Variants in SLIT3 observed in about 807,000 individuals in gnomAD.
SLIT3 encodes the protein slit guidance ligand 3, also known as slit homolog 3 protein.
A neutral mutation model predicts 184.0 loss-of-function variants in SLIT3; 68 were observed. That is an observed-to-expected ratio of 0.37 (90% CI 0.30 to 0.45). The LOEUF (loss-of-function observed/expected upper bound fraction) is 0.45, where lower values mean the gene tolerates loss of function less well. Ranked by LOEUF, SLIT3 falls within the 20% of genes least tolerant of loss-of-function variation. SLIT3 has a pLI of 1.00. For synonymous variants in SLIT3, 831 were observed against 828.6 expected, an observed-to-expected ratio of 1.00 and a Z score of -0.05; for missense variants, 1,707 against 2,026.0, an observed-to-expected ratio of 0.84 and a Z score of 3.02.
chr5:169,208,894 GGCAAAGAGTTAAT>G (rs1764161832), intron 3 of SLIT3, among the ~76,000 whole-genome samples: 1 of 152,152 alleles, frequency 6.6e-6, no homozygotes, highest in Admixed American at 6.5e-5. Flanking sequence ...GATAGGCATG[GGCAAAGAGTTAAT>G]GTCTAAAACA....
intron 4 of SLIT3, among the ~76,000 whole-genome samples, chr5:169,063,265 G>A (rs764551209): frequency 3.9e-5 from 6 of 152,296 alleles, no homozygotes; most frequent in Non-Finnish European, 7.4e-5. Flanking sequence ...TCCTGAATTC[G>A]TCAGTTATTT....
intron 3 of SLIT3, among the ~76,000 whole-genome samples, chr5:169,235,988 G>T (rs1765185543): frequency 6.6e-6 from 1 of 152,184 alleles, no homozygotes; most frequent in Non-Finnish European, 1.5e-5. Context: ...TTCGAAGGAA[G>T]TGTCTCTGTG....
intron 4 of SLIT3, chr5:169,018,596 C>A (rs184149708): frequency 6.6e-6 from 1 of 152,184 alleles, no homozygotes; most frequent in Non-Finnish European, 1.5e-5. Context: ...AGAAATCAGG[C>A]GTGAGCGCAA....
At chr5:168,807,382 C>A (rs1469516850) in intron 8 of SLIT3, among the ~76,000 whole-genome samples, 1 of 152,124 alleles carries the variant, frequency 6.6e-6, no homozygotes. Flanking sequence ...CACATTAAAT[C>A]CTGAATACAA....
intron 5 of SLIT3, among the ~76,000 whole-genome samples, chr5:168,858,846 T>C (rs918578299): frequency 6.6e-6 from 1 of 152,234 alleles, no homozygotes; most frequent in Non-Finnish European, 1.5e-5. Flanking sequence ...CACATCCCCA[T>C]CAACCATACT....
intron 28 of SLIT3, among the ~76,000 whole-genome samples, chr5:168,694,082 T>G (rs1163397418): frequency 1.3e-5 from 2 of 152,132 alleles, no homozygotes; most frequent in African/African-American, 4.8e-5. Context: ...TAAATGAGAT[T>G]ATACAAGCAC....
chr5:168,992,671 A>T (rs1013502337), intron 4 of SLIT3, among the ~76,000 whole-genome samples: 5 of 152,102 alleles, frequency 3.3e-5, no homozygotes, highest in African/African-American at 1.2e-4. Flanking sequence ...ACCCATTTCC[A>T]GCGGCCATCT....
chr5:168,795,518 T>C lies in SLIT3; in HGVS notation c.996A>G (p.Lys332=), dbSNP rs1756534927. ...IPAGAFTQYK[K]LKRIDISKNQ... ...CAGGGGAAACTCACATTCGCTTCAG[T>C]TTCTTGTACTGGGTGAAGGCTCCTG... Residue 332 remains lysine, a synonymous_variant, in exon 10 of 36, where the codon AAA becomes AAG. Transcript: ENST00000519560. 1 of 1,613,284 alleles carries C rather than the reference T, an allele frequency of 6.2e-7. No individual in the cohort carries two copies. Among genetic ancestry groups the C allele is most frequent in the Admixed American group, 1.7e-5 (1 of 60,004 alleles).
At chr5:168,721,192 T>C (rs1762931397) in intron 23 of SLIT3, among the ~76,000 whole-genome samples, 2 of 152,112 alleles carry the variant, frequency 1.3e-5, no homozygotes, top group South Asian at 4.1e-4. Flanking sequence ...TTTTCATGAA[T>C]AGCATTCAAG....
chr5:168,817,174 C>G, intron 8 of SLIT3, 126 bp downstream of exon 8: 6 of 805,278 alleles, frequency 7.5e-6, no homozygotes, highest in Non-Finnish European at 1.2e-5. Context: ...CTGAGGACGA[C>G]CTATGGGGTT....
chr5:168,902,148 C>T (rs1280916876), intron 4 of SLIT3, among the ~76,000 whole-genome samples: 1 of 152,096 alleles, frequency 6.6e-6, no homozygotes, highest in Non-Finnish European at 1.5e-5. Context: ...CCTTGGCCTC[C>T]CAAAGTGCTG....
At chr5:168,923,276 C>G (rs1761701996) in intron 4 of SLIT3, among the ~76,000 whole-genome samples, 1 of 152,098 alleles carries the variant, frequency 6.6e-6, no homozygotes, top group Non-Finnish European at 1.5e-5. Context: ...TTCTGGGCGT[C>G]AGTCTTGAAG....
intron 6 of SLIT3, among the ~76,000 whole-genome samples, chr5:168,833,714 C>G (rs939796622): frequency 6.6e-6 from 1 of 152,182 alleles, no homozygotes; most frequent in African/African-American, 2.4e-5. Context: ...GGCAAGCAGA[C>G]AGCAATAAAG....
intron 1 of SLIT3, among the ~76,000 whole-genome samples, chr5:169,290,694 G>A (rs562722930): frequency 2.5e-4 from 27 of 107,482 alleles, no homozygotes; most frequent in East Asian, 2.5e-3. Context: ...GCTGGGGCAC[G>A]CACTAGGGCA....
At chr5:169,120,522 T>G (rs1042056184) in intron 4 of SLIT3, among the ~76,000 whole-genome samples, 8 of 152,310 alleles carry the variant, frequency 5.3e-5, no homozygotes, top group African/African-American at 1.9e-4. Flanking sequence ...CCTAGGATTT[T>G]AAGAGTGAAT....
intron 4 of SLIT3, among the ~76,000 whole-genome samples, chr5:169,122,669 G>T (rs781760852): frequency 7.2e-5 from 11 of 152,152 alleles, no homozygotes; most frequent in Admixed American, 1.3e-4. Flanking sequence ...TAGGTTACCG[G>T]TAACACCATC....
chr5:168,674,246 G>C (rs1056279284), intron 32 of SLIT3, among the ~76,000 whole-genome samples: 17 of 152,114 alleles, frequency 1.1e-4, no homozygotes, highest in African/African-American at 4.1e-4. Flanking sequence ...GGAGGCTAAG[G>C]AATTTACCTA....
intron 5 of SLIT3, among the ~76,000 whole-genome samples, chr5:168,856,394 G>T (rs1041881915): frequency 6.6e-6 from 1 of 152,184 alleles, no homozygotes; most frequent in Admixed American, 6.5e-5. Context: ...TTCTATCTGG[G>T]TGTGAGAAGA....
chr5:168,985,083 T>G (rs1472073685), intron 4 of SLIT3, among the ~76,000 whole-genome samples: 1 of 152,220 alleles, frequency 6.6e-6, no homozygotes, highest in African/African-American at 2.4e-5. Flanking sequence ...GACCCCCAAC[T>G]GTGTTCTCTA....
Sources: allele counts gnomAD v4.1 joint callset (sites outside exome capture counted in the v4.1 genomes callset), GRCh38; gene constraint gnomAD v4.1.1; transcripts MANE v1.5; gene names NCBI Gene and HGNC (gene_info 2026-07-23, HGNC 2026-07-21).